Variants in SIRT5 observed in about 807,000 individuals in gnomAD.
The protein encoded by SIRT5 is sirtuin 5.
SIRT5 carries 26 observed loss-of-function variants against 40.0 expected under a neutral mutation model. The observed-to-expected ratio is 0.65, with a 90% CI of 0.48 to 0.90. The LOEUF (loss-of-function observed/expected upper bound fraction) is 0.90. SIRT5 is among the 40% of genes least tolerant of loss of function. The pLI, the probability that SIRT5 is intolerant of heterozygous loss-of-function variation, is 0.00. For synonymous variants in SIRT5, 146 were observed against 149.1 expected, an observed-to-expected ratio of 0.98 and a Z score of 0.15; for missense variants, 401 against 402.4, an observed-to-expected ratio of 1.00 and a Z score of 0.03.
chr6:13,604,393 G>A (rs1762820886), intron 9 of SIRT5: 9 of 877,858 alleles, frequency 1.0e-5, no homozygotes, highest in Non-Finnish European at 1.3e-5. Flanking sequence ...CAGAAAACTC[G>A]AAGAGTGGGA....
At chr6:13,596,746 C>A (rs1761614476) in intron 6 of SIRT5, among the ~76,000 whole-genome samples, 1 of 152,226 alleles carries the variant, frequency 6.6e-6, no homozygotes, top group African/African-American at 2.4e-5. Context: ...TTTGGCCTCA[C>A]CAAATGCTGG....
intron 9 of SIRT5, among the ~76,000 whole-genome samples, chr6:13,606,403 T>C (rs1019656536): frequency 6.6e-6 from 1 of 152,112 alleles, no homozygotes; most frequent in African/African-American, 2.4e-5. Context: ...TAGAAGAGTT[T>C]TATAGATTGT....
chr6:13,583,898 G>GAC (rs2127622550), intron 2 of SIRT5, among the ~76,000 whole-genome samples, 178 bp from the exon 3 acceptor site: 3 of 152,322 alleles, frequency 2.0e-5, no homozygotes, highest in Admixed American at 2.0e-4. Flanking sequence ...CAGTTCAGAG[G>GAC]ATGATCTGTT....
chr6:13,592,180 G>A (rs920732147), intron 5 of SIRT5, among the ~76,000 whole-genome samples: 1 of 152,148 alleles, frequency 6.6e-6, no homozygotes, highest in East Asian at 1.9e-4. Flanking sequence ...CGTCCCCCAA[G>A]AACTTGTTAA....
chr6:13,599,409 C>T (rs752853129), intron 8 of SIRT5, among the ~76,000 whole-genome samples: 4 of 152,068 alleles, frequency 2.6e-5, no homozygotes, highest in Non-Finnish European at 5.9e-5. Flanking sequence ...AAGCCTCCTC[C>T]CCCAGCCCCA....
At chr6:13,591,614 T>C in intron 4 of SIRT5, 55 bp from the exon 5 acceptor site, 1 of 1,417,608 alleles carries the variant, frequency 7.1e-7, no homozygotes, top group Non-Finnish European at 9.5e-7. Flanking sequence ...GCCCCAGGGT[T>C]CAGCATCCTG....
Position 13,584,058 on chromosome 6 carries a change from T to A in SIRT5, c.-35-18T>A. 1 of 1,233,680 alleles carries A rather than the reference T, an allele frequency of 8.1e-7. No individual in the cohort carries two copies. The highest frequency in any genetic ancestry group is 1.2e-6 in the Non-Finnish European group (1 of 841,630). 76.4% of individuals were successfully genotyped at this position (1,233,680 alleles called of 1,614,324 possible). A position where few individuals can be genotyped will look rare whatever the true frequency, so the allele number is the denominator to read the frequency against. ...GCTGATTGTTTCTACACTATTTGTT[T>A]TTGTGATTTTTCTAAAGCCCGCCTC... On this transcript the variant is annotated intron_variant, in intron 2 of 9. Coordinates refer to ENST00000606117, the MANE Select transcript of SIRT5 (RefSeq NM_012241.5).
chr6:13,579,762 C>T (rs1759094529), intron 2 of SIRT5, among the ~76,000 whole-genome samples, 153 bp downstream of exon 2: 1 of 152,202 alleles, frequency 6.6e-6, no homozygotes, highest in African/African-American at 2.4e-5. Context: ...ATTTTTAAAA[C>T]TTCATGCCCC....
In SIRT5 at chr6:13,613,612, A is replaced by C. The variant is rs2036785508; in HGVS notation, c.*1747A>C. 6.6e-6 allele frequency: 1 copy of C among 152,220 alleles called. No individual in the cohort carries two copies. The highest frequency in any genetic ancestry group is 2.1e-4 in the South Asian group (1 of 4,834). 9.4% of individuals were successfully genotyped at this position (152,220 alleles called of 1,614,324 possible). ...CAAGGCATAACCTTTAATAAATCCCAGTGGTCCTTTGTGTAGGGAACGGGG... is the reference window on the plus strand; with the variant it reads ...CAAGGCATAACCTTTAATAAATCCCCGTGGTCCTTTGTGTAGGGAACGGGG... On this transcript the variant is annotated 3_prime_UTR_variant, in exon 10 of 10. Transcript: ENST00000606117.
chr6:13,591,737 G>T lies in SIRT5; in HGVS notation c.318G>T (p.Arg106=). The change falls in exon 5 of 10, where the codon CGG becomes CGT. Residue 106 remains arginine (R), a synonymous_variant. Transcript: ENST00000606117. ...TGTGGGAGTTCTACCACTACCGGCG[G>T]GAGGTCATGGGGAGCAAGGAGCCCA... ...SRVWEFYHYR[R]EVMGSKEPNA... 1 of 1,612,174 alleles carries T rather than the reference G, an allele frequency of 6.2e-7. No individual in the cohort carries two copies. The highest frequency in any genetic ancestry group is 8.5e-7 in the Non-Finnish European group (1 of 1,178,568).
At chr6:13,611,734 C>CA in intron 9 of SIRT5, 56 bp from the exon 10 acceptor site, 1 of 1,210,576 alleles carries the variant, frequency 8.3e-7, no homozygotes, top group Non-Finnish European at 1.2e-6. Flanking sequence ...TGAAGTAGGG[C>CA]ATTCATTTTG....
At chr6:13,610,532 G>T (rs892908422) in intron 9 of SIRT5, among the ~76,000 whole-genome samples, 1 of 152,204 alleles carries the variant, frequency 6.6e-6, no homozygotes, top group Non-Finnish European at 1.5e-5. Flanking sequence ...CACACTCGGG[G>T]ATGAGGTATC....
intron 2 of SIRT5, among the ~76,000 whole-genome samples, chr6:13,583,560 G>C (rs973263666): frequency 2.0e-5 from 3 of 152,106 alleles, no homozygotes; most frequent in Admixed American, 2.0e-4. Context: ...TCCCAAAGTG[G>C]TGGGATTATA....
intron 5 of SIRT5, among the ~76,000 whole-genome samples, chr6:13,593,798 A>G (rs1761242111): frequency 6.6e-6 from 1 of 152,196 alleles, no homozygotes; most frequent in South Asian, 2.1e-4. Flanking sequence ...TTTAGAAATT[A>G]TATCTTTCCA....
At chr6:13,602,775 AT>A (rs1239444023) in intron 9 of SIRT5, among the ~76,000 whole-genome samples, 2 of 152,226 alleles carry the variant, frequency 1.3e-5, no homozygotes, top group African/African-American at 4.8e-5. Context: ...ATTACAAAAA[AT>A]AACCCAAAAT....
intron 4 of SIRT5, chr6:13,589,326 C>T (rs1760502450): frequency 6.6e-6 from 1 of 152,306 alleles, no homozygotes; most frequent in South Asian, 2.1e-4. Flanking sequence ...GACAGGGTTT[C>T]ACCATGTTGG....
chr6:13,584,613 T>C (rs1167840545), intron 3 of SIRT5, among the ~76,000 whole-genome samples: 5 of 152,176 alleles, frequency 3.3e-5, no homozygotes, highest in Non-Finnish European at 7.4e-5. Context: ...CCTCCCAAAG[T>C]GCTGGGATTA....
At chr6:13,590,277 C>T (rs1760673569) in intron 4 of SIRT5, among the ~76,000 whole-genome samples, 1 of 152,316 alleles carries the variant, frequency 6.6e-6, no homozygotes, top group African/African-American at 2.4e-5. Flanking sequence ...TGAAAGTTCC[C>T]TGTGCCTTTC....
intron 1 of SIRT5, among the ~76,000 whole-genome samples, chr6:13,577,350 A>G (rs1037042756): frequency 1.3e-5 from 2 of 152,128 alleles, no homozygotes; most frequent in Non-Finnish European, 2.9e-5. Context: ...TTTTCAGTGT[A>G]CAGGTCTTAT....
Sources: gnomAD v4.1 joint callset for allele counts (sites outside exome capture counted in the v4.1 genomes callset) on GRCh38, gnomAD v4.1.1 for gene constraint, MANE v1.5 for transcripts, NCBI Gene and HGNC (gene_info 2026-07-23, HGNC 2026-07-21) for gene names.